The following CLN8 variants were observed in gnomAD, a reference collection of about 807,000 sequenced individuals.
CLN8 encodes the protein protein CLN8.
Under a neutral mutation model 15.7 loss-of-function variants are expected in CLN8, and 14 were observed. The ratio of observed to expected loss-of-function variants is 0.89; its 90% CI spans 0.59 to 1.39. The LOEUF (loss-of-function observed/expected upper bound fraction) is 1.39. Ranked by LOEUF, CLN8 falls within the 40% of genes most tolerant of loss-of-function variation. The pLI, the probability that CLN8 is intolerant of heterozygous loss-of-function variation, is 0.00. For missense variants in CLN8, 415 were observed against 364.0 expected, an observed-to-expected ratio of 1.14 and a Z score of -1.14; for synonymous variants, 188 against 151.0, an observed-to-expected ratio of 1.25 and a Z score of -1.80.
At position 1,783,646 on chromosome 8, in the gene CLN8, C is replaced by T. The variant is rs951722728; in HGVS notation, c.*3079C>T. ...CTGGGCCGCACAGGCTTCTGCCCTTCTCGGTGTCCAGGCTCCTTGGGTGAT... is the reference window on the plus strand; with the variant it reads ...CTGGGCCGCACAGGCTTCTGCCCTTTTCGGTGTCCAGGCTCCTTGGGTGAT... On this transcript the variant is annotated 3_prime_UTR_variant, in exon 3 of 3. Coordinates refer to ENST00000331222, the MANE Select transcript of CLN8 (RefSeq NM_018941.4). 6.6e-6 allele frequency: 1 copy of T among 152,270 alleles called. No homozygotes were observed. The highest frequency in any genetic ancestry group is 1.5e-5 in the Non-Finnish European group (1 of 68,120). The allele number at this position is 152,270 out of a possible 1,614,324, so 9.4% of individuals were successfully genotyped here.
At chr8:1,763,397 GCGCCCCGCCCCC>G (rs1800864765), upstream of CLN8, 1 of 32,824 alleles carries the variant, frequency 3.0e-5, no homozygotes, top group African/African-American at 1.3e-4. Context: ...CCGCCGCGCC[GCGCCCCGCCCCC>G]CGCCGCGCCC....
upstream of CLN8, among the ~76,000 whole-genome samples, chr8:1,760,727 C>T (rs1026947055): frequency 2.5e-4 from 38 of 152,180 alleles, no homozygotes; most frequent in African/African-American, 9.2e-4. Flanking sequence ...GGGTCCAGTC[C>T]AGACCCTAAG....
At chr8:1,756,791 T>C (rs567338167) in intron 1 of CLN8, among the ~76,000 whole-genome samples, 1 of 150,918 alleles carries the variant, frequency 6.6e-6, no homozygotes, top group South Asian at 2.1e-4. Flanking sequence ...CAAGCAATTC[T>C]CCTGCCTCAG....
In CLN8 at chr8:1,777,394, CT is replaced by C. The variant is rs1801562614; in HGVS notation, c.544-2853del. On this transcript the variant is annotated intron_variant, in intron 2 of 2. Coordinates refer to ENST00000331222, the MANE Select transcript of CLN8 (RefSeq NM_018941.4). Reference sequence around the variant, plus strand: ...GAACGTCACTGTACTCTCCTATAGACTTTATGAACTCTGTGTACTTAAGCAA... The same window carrying C: ...GAACGTCACTGTACTCTCCTATAGACTTATGAACTCTGTGTACTTAAGCAA... 4.6e-5 allele frequency among the ~76,000 whole-genome samples: 7 copies of C among 152,120 alleles called. No homozygotes were observed. In the South Asian group the frequency reaches 1.2e-3, roughly 27 times the overall value.
At chr8:1,770,041 T>C (rs1221035817) in intron 1 of CLN8, among the ~76,000 whole-genome samples, 2 of 152,212 alleles carry the variant, frequency 1.3e-5, no homozygotes, top group African/African-American at 4.8e-5. Context: ...GGATACACTT[T>C]GTTACAGCAC....
rs1036839131 is a variant in CLN8, at chr8:1,780,627, C to G, written c.*60C>G. On this transcript the variant is annotated 3_prime_UTR_variant, in exon 3 of 3. Coordinates refer to ENST00000331222, the MANE Select transcript of CLN8 (RefSeq NM_018941.4). Reference sequence around the variant, plus strand: ...CTGGCACACCGATTCTGGGAAGCCCCGCGAATGATGGCTTTTGAATTAATG... The same window carrying G: ...CTGGCACACCGATTCTGGGAAGCCCGGCGAATGATGGCTTTTGAATTAATG... The G allele has an allele frequency of 6.7e-7, 1 of 1,502,408 alleles. No homozygotes were observed. The highest frequency in any genetic ancestry group is 1.7e-5 in the Admixed American group (1 of 57,524). The allele number at this position is 1,502,408 out of a possible 1,614,324, so 93.1% of individuals were successfully genotyped here. A position where few individuals can be genotyped will look rare whatever the true frequency, so the allele number is the denominator to read the frequency against.
chr8:1,756,908 C>A (rs1007861160), intron 1 of CLN8, among the ~76,000 whole-genome samples: 1 of 152,096 alleles, frequency 6.6e-6, no homozygotes, highest in African/African-American at 2.4e-5. Context: ...GTCTAGATCT[C>A]CTGACCTCAA....
In CLN8 at chr8:1,767,911, T is replaced by G. The variant is rs373745944; in HGVS notation, c.-123-3021T>G. 2.6e-4 allele frequency among the ~76,000 whole-genome samples: 39 copies of G among 151,632 alleles called. No homozygotes were observed. The South Asian group carries it at 4.4e-3, about 17-fold the overall frequency. On this transcript the variant is annotated intron_variant, in intron 1 of 2. Coordinates refer to ENST00000331222, the MANE Select transcript of CLN8 (RefSeq NM_018941.4). The stretch of plus-strand genomic sequence containing the variant: ...TTTTTCCTGTAGTCAGATTCTGGGG[T>G]CCAGGGTGGTTAGGAAAGAAACTTG...
upstream of CLN8, among the ~76,000 whole-genome samples, chr8:1,754,746 A>T (rs185982775): frequency 3.9e-5 from 6 of 152,218 alleles, no homozygotes; most frequent in African/African-American, 1.4e-4. Context: ...AGCCGTCTGT[A>T]GACATCCCAA....
rs1801272902 is a variant in CLN8 at position 1,770,957 on chromosome 8, C to G, written c.-98C>G. ...ATTGAAGATGGATACGTGACAATCC[C>G]AGGGACCGCTGCACTGACTTCATTT... On this transcript the variant is annotated 5_prime_UTR_variant, in exon 2 of 3. Transcript: ENST00000331222. 1.1e-5 allele frequency: 12 copies of G among 1,106,244 alleles called. No homozygotes were observed. Among genetic ancestry groups the G allele is most frequent in the Non-Finnish European group, 1.5e-5 (11 of 731,326 alleles). The allele number at this position is 1,106,244 out of a possible 1,614,324, so 68.5% of individuals were successfully genotyped here.
At chr8:1,768,367 C>G (rs536972662) in intron 1 of CLN8, among the ~76,000 whole-genome samples, 14 of 152,316 alleles carry the variant, frequency 9.2e-5, no homozygotes, top group African/African-American at 2.2e-4. Flanking sequence ...AACCAAAGAC[C>G]TCCTGAAGCA....
In CLN8 at chr8:1,780,345, G is replaced by A. The variant is rs113304303; in HGVS notation, c.639G>A (p.Trp213Ter). The part of the protein sequence containing the change: ...CRMVLTYHMW[W>*]VCFWHWDGLV... ...TGGTTCTAACCTACCACATGTGGTGGGTGTGTTTCTGGCACTGGGACGGCC... is the reference window on the plus strand; with the variant it reads ...TGGTTCTAACCTACCACATGTGGTGAGTGTGTTTCTGGCACTGGGACGGCC... Residue 213 changes from tryptophan (W) to a stop codon, truncating the protein, a stop_gained, in exon 3 of 3, where the codon TGG becomes TGA. Transcript: ENST00000331222. LOFTEE classifies it high-confidence loss of function. The A allele has an allele frequency of 6.2e-7, 1 of 1,614,122 alleles. No homozygotes were observed. Among genetic ancestry groups the A allele is most frequent in the Admixed American group, 1.7e-5 (1 of 60,010 alleles).
At position 1,785,248 on chromosome 8, in the gene CLN8, C is replaced by T; in HGVS notation, c.*4681C>T. On this transcript the variant is annotated 3_prime_UTR_variant, in exon 3 of 3. Transcript: ENST00000331222. ...TCCTGGGTGCTCCTTTGTGCTCTGT[C>T]CTACGGTGACACAGGCGGCGTGGGG... 5.4e-6 allele frequency: 1 copy of T among 184,694 alleles called. No homozygotes were observed. The highest frequency in any genetic ancestry group is 2.4e-5 in the African/African-American group (1 of 42,326). The allele number at this position is 184,694 out of a possible 1,614,324, so 11.4% of individuals were successfully genotyped here.
chr8:1,763,860 G>C lies in CLN8; in HGVS notation c.-149G>C, dbSNP rs887575080. ...CAGGGGCGGGGCGGCGCCAAGCGCAGGGAGCCCGGCTGAGTGGCAGCCCAG... is the reference window on the plus strand; with the variant it reads ...CAGGGGCGGGGCGGCGCCAAGCGCACGGAGCCCGGCTGAGTGGCAGCCCAG... On this transcript the variant is annotated 5_prime_UTR_variant, in exon 1 of 3. Coordinates refer to ENST00000331222, the MANE Select transcript of CLN8 (RefSeq NM_018941.4). The C allele has an allele frequency of 6.6e-6, 1 of 151,826 alleles. No individual in the cohort carries two copies. The highest frequency in any genetic ancestry group is 1.5e-5 in the Non-Finnish European group (1 of 68,250). The allele number at this position is 151,826 out of a possible 1,614,324, so 9.4% of individuals were successfully genotyped here. A position where few individuals can be genotyped will look rare whatever the true frequency, so the allele number is the denominator to read the frequency against.
In CLN8 at chr8:1,780,578, C is replaced by T. The variant is rs372568348; in HGVS notation, c.*11C>T. ...AAGAAGAGGCCATAGCTGCTCCAGC[C>T]GGGGCTCCGGGGCGGCAGCAGAGCT... On this transcript the variant is annotated 3_prime_UTR_variant, in exon 3 of 3. Coordinates refer to ENST00000331222, the MANE Select transcript of CLN8 (RefSeq NM_018941.4). The T allele has an allele frequency of 2.4e-5, 38 of 1,610,516 alleles. No homozygotes were observed. Among genetic ancestry groups the T allele is most frequent in the South Asian group, 1.2e-4 (11 of 91,048 alleles).
At chr8:1,759,491 G>T (rs1403541631), upstream of CLN8, 1 of 152,268 alleles carries the variant, frequency 6.6e-6, no homozygotes, top group East Asian at 1.9e-4. Context: ...CAGGCCAGGT[G>T]ATAAGATACC....
At chr8:1,768,697 G>A (rs1382514745) in intron 1 of CLN8, among the ~76,000 whole-genome samples, 1 of 152,102 alleles carries the variant, frequency 6.6e-6, no homozygotes, top group African/African-American at 2.4e-5. Flanking sequence ...TTTCTTTAAT[G>A]CTGGTAAGCG....
Position 1,767,728 on chromosome 8 carries a change from C to T in CLN8, c.-123-3204C>T, listed in dbSNP as rs556361910. Among the ~76,000 whole-genome samples, 229 of 151,918 alleles carry T rather than the reference C, an allele frequency of 1.5e-3. 1 individual carries two copies. The highest frequency in any genetic ancestry group is 2.8e-3 in the African/African-American group (116 of 41,456). On this transcript the variant is annotated intron_variant, in intron 1 of 2. Transcript: ENST00000331222. ...CTGGGATCACAGGCATGTACCACCA[C>T]GCCCAGCTAATTTTTTGTATCTCTA...
Position 1,781,521 on chromosome 8 carries a change from A to G in CLN8, c.*954A>G, listed in dbSNP as rs1801713535. The G allele has an allele frequency of 6.6e-6, 1 of 152,004 alleles. No individual in the cohort carries two copies. The highest frequency in any genetic ancestry group is 6.6e-5 in the Admixed American group (1 of 15,254). The allele number at this position is 152,004 out of a possible 1,614,324, so 9.4% of individuals were successfully genotyped here. ...CCAACCAGAGCGTGGGCTGGTAAAG[A>G]TGAAATCTTGCAAGTTTTTTTTTTT... On this transcript the variant is annotated 3_prime_UTR_variant, in exon 3 of 3. Coordinates refer to ENST00000331222, the MANE Select transcript of CLN8 (RefSeq NM_018941.4).
Sources: allele counts gnomAD v4.1 joint callset (sites outside exome capture counted in the v4.1 genomes callset), GRCh38; gene constraint gnomAD v4.1.1; transcripts MANE v1.5; gene names NCBI Gene and HGNC (gene_info 2026-07-23, HGNC 2026-07-21).